DLGAP2: variants seen among roughly 807,000 people sequenced by gnomAD.
DLGAP2 encodes DLG associated protein 2, also known as disks large-associated protein 2.
Under a neutral mutation model 100.3 loss-of-function variants are expected in DLGAP2, and 26 were observed. The observed-to-expected ratio is 0.26, with a 90% CI of 0.19 to 0.36. The LOEUF (loss-of-function observed/expected upper bound fraction) is 0.36. Among genes scored for constraint, DLGAP2 ranks in the 10% least tolerant of loss-of-function variants. The pLI, the probability that DLGAP2 is intolerant of heterozygous loss-of-function variation, is 1.00. For missense variants in DLGAP2, 1,858 were observed against 1,453.2 expected (o/e 1.28, Z -4.53); for synonymous variants, 886 against 630.1 (o/e 1.41, Z -6.08).
chr8:1,631,050 C>G (rs113628335), intron 7 of DLGAP2, among the ~76,000 whole-genome samples: 1 of 130,414 alleles, frequency 7.7e-6, no homozygotes, highest in African/African-American at 2.8e-5. Context: ...GGTCCGGGTG[C>G]CCCAAGGGTC....
intron 2 of DLGAP2, among the ~76,000 whole-genome samples, chr8:1,185,778 G>T (rs114058640): frequency 0.034 from 5,131 of 151,924 alleles, 123 homozygotes; most frequent in East Asian, 0.16. Context: ...AGTCAGCAGT[G>T]CAGTAGGAAC....
chr8:1,588,709 C>G (rs1796199184), intron 6 of DLGAP2, among the ~76,000 whole-genome samples: 1 of 130,812 alleles, frequency 7.6e-6, no homozygotes, highest in South Asian at 2.5e-4. Context: ...CAAGACCAGT[C>G]TGGCCAACAT....
intron 3 of DLGAP2, among the ~76,000 whole-genome samples, chr8:1,280,088 A>G (rs934683831): frequency 1.3e-5 from 2 of 152,228 alleles, no homozygotes; most frequent in Non-Finnish European, 2.9e-5. Context: ...GCTTTGTGGT[A>G]TGTGAATGCT....
intron 1 of DLGAP2, among the ~76,000 whole-genome samples, chr8:852,845 G>A (rs530706941): frequency 2.6e-5 from 4 of 152,192 alleles, no homozygotes; most frequent in African/African-American, 7.2e-5. Flanking sequence ...CTTCACAAAA[G>A]GACCTCATTT....
chr8:807,115 A>G (rs1203085229), intron 1 of DLGAP2, among the ~76,000 whole-genome samples: 1 of 152,236 alleles, frequency 6.6e-6, no homozygotes, highest in East Asian at 1.9e-4. Flanking sequence ...TAGGGTTTTA[A>G]CTTGCTCTGT....
At chr8:1,264,970 C>T (rs1036563926) in intron 3 of DLGAP2, among the ~76,000 whole-genome samples, 12 of 152,322 alleles carry the variant, frequency 7.9e-5, no homozygotes, top group African/African-American at 2.6e-4. Context: ...CCATGTAAGA[C>T]ATGCCGTTGC....
At chr8:794,087 G>C (rs1345558531) in intron 1 of DLGAP2, among the ~76,000 whole-genome samples, 1 of 149,416 alleles carries the variant, frequency 6.7e-6, no homozygotes, top group Non-Finnish European at 1.5e-5. Context: ...TGCGTAGGGA[G>C]TGTTTCTAGC....
At chr8:842,846 G>A (rs1304727342) in intron 1 of DLGAP2, among the ~76,000 whole-genome samples, 1 of 151,864 alleles carries the variant, frequency 6.6e-6, no homozygotes, top group Non-Finnish European at 1.5e-5. Context: ...ATTTCTAAAC[G>A]TTTTTCCCTG....
intron 2 of DLGAP2, among the ~76,000 whole-genome samples, chr8:957,161 C>T (rs552955738): frequency 5.9e-5 from 9 of 152,302 alleles, no homozygotes; most frequent in African/African-American, 9.6e-5. Context: ...TAGCTGGCTT[C>T]GGAGAGAGTC....
chr8:1,275,708 A>C (rs574689617), intron 3 of DLGAP2, among the ~76,000 whole-genome samples: 18 of 111,546 alleles, frequency 1.6e-4, no homozygotes, highest in Admixed American at 8.8e-4. Context: ...GGACAGAGCT[A>C]ATAGGACATA....
chr8:1,660,309 A>G (rs1798380876), intron 8 of DLGAP2, among the ~76,000 whole-genome samples: 2 of 152,138 alleles, frequency 1.3e-5, no homozygotes, highest in Admixed American at 1.3e-4. Flanking sequence ...AAGATCTTTC[A>G]CCTTTTCTAG....
chr8:789,381 C>T (rs1425688175), intron 1 of DLGAP2, among the ~76,000 whole-genome samples: 1 of 152,122 alleles, frequency 6.6e-6, no homozygotes, highest in African/African-American at 2.4e-5. Flanking sequence ...AGGTGCTACA[C>T]ACTTTTAAAC....
intron 3 of DLGAP2, among the ~76,000 whole-genome samples, chr8:1,444,843 GACCTCGGCTGACTGCA>G (rs1411442981): frequency 7.2e-6 from 1 of 139,144 alleles, no homozygotes; most frequent in Non-Finnish European, 1.5e-5. Context: ...GCAGTGGCGT[GACCTCGGCTGACTGCA>G]ACCACCGTCT....
chr8:1,683,586 G>A (rs1799015073), intron 12 of DLGAP2, among the ~76,000 whole-genome samples: 1 of 150,892 alleles, frequency 6.6e-6, no homozygotes, highest in African/African-American at 2.4e-5. Flanking sequence ...CACAGACAGT[G>A]CCTCACACAT....
intron 3 of DLGAP2, chr8:1,368,878 T>C (rs1462305153): frequency 6.6e-6 from 1 of 152,324 alleles, no homozygotes; most frequent in East Asian, 1.9e-4. Context: ...AAAGGTCAAA[T>C]TGACTGCGAT....
intron 2 of DLGAP2, among the ~76,000 whole-genome samples, chr8:933,141 A>G (rs909383649): frequency 6.6e-6 from 1 of 152,202 alleles, no homozygotes; most frequent in African/African-American, 2.4e-5. Flanking sequence ...TGTTCCCTTC[A>G]GAGAAGGAAG....
chr8:1,348,802 TTG>T (rs1468902365), intron 3 of DLGAP2, among the ~76,000 whole-genome samples: 1 of 152,206 alleles, frequency 6.6e-6, no homozygotes, highest in East Asian at 1.9e-4. Context: ...GTGGAGCGTG[TTG>T]ATGGATTCAG....
At chr8:1,178,580 CT>C (rs1797310998) in intron 2 of DLGAP2, among the ~76,000 whole-genome samples, 1 of 152,080 alleles carries the variant, frequency 6.6e-6, no homozygotes, top group Non-Finnish European at 1.5e-5. Flanking sequence ...AGTTAGACAT[CT>C]CTCTTTTTTT....
chr8:1,268,101 TAAAC>T (rs1306161667), intron 3 of DLGAP2, among the ~76,000 whole-genome samples: 1 of 152,184 alleles, frequency 6.6e-6, no homozygotes, highest in Non-Finnish European at 1.5e-5. Context: ...AATTCACAAA[TAAAC>T]CCTAGTTTGC....
Sources: gnomAD v4.1 joint callset for allele counts (sites outside exome capture counted in the v4.1 genomes callset) on GRCh38, gnomAD v4.1.1 for gene constraint, MANE v1.5 for transcripts, NCBI Gene and HGNC (gene_info 2026-07-23, HGNC 2026-07-21) for gene names.